Variants in KCNH5 observed in about 807,000 individuals in gnomAD.
KCNH5 encodes the protein potassium voltage-gated channel subfamily H member 5, also known as voltage-gated delayed rectifier potassium channel KCNH5.
Under a neutral mutation model 96.1 loss-of-function variants are expected in KCNH5, and 46 were observed. That is an observed-to-expected ratio of 0.48 (90% CI 0.38 to 0.61). The LOEUF (loss-of-function observed/expected upper bound fraction) is 0.61. Ranked by LOEUF, KCNH5 falls within the 20% of genes least tolerant of loss-of-function variation. The pLI, the probability that KCNH5 is intolerant of heterozygous loss-of-function variation, is 0.00. For missense variants in KCNH5, 907 were observed against 1,225.8 expected, an observed-to-expected ratio of 0.74 and a Z score of 3.88; for synonymous variants, 439 against 449.8, an observed-to-expected ratio of 0.98 and a Z score of 0.30.
chr14:62,910,963 C>T lies in KCNH5; in HGVS notation c.1369+39170G>A, dbSNP rs546946076. Among the ~76,000 whole-genome samples the T allele has an allele frequency of 6.7e-4, 99 of 148,424 alleles. 1 individual carries two copies. The highest frequency in any genetic ancestry group is 1.3e-3 in the Non-Finnish European group (87 of 67,150). On this transcript the variant is annotated intron_variant, in intron 7 of 10. Coordinates refer to ENST00000322893, the MANE Select transcript of KCNH5 (RefSeq NM_139318.5). ...CACACCCCTCTGTTGTTCTGTCATC[C>T]TATACCCTACTTTATTGTATCATAA...
Position 62,853,453 on chromosome 14 carries a change from AATCATATATATATATATATATATAT to A in KCNH5, c.1370-3626_1370-3602del, listed in dbSNP as rs1396487157. Among the ~76,000 whole-genome samples the A allele has an allele frequency of 6.6e-3, 201 of 30,382 alleles. 11 individuals carry two copies. Among genetic ancestry groups the A allele is most frequent in the Non-Finnish European group, 8.6e-3 (143 of 16,658 alleles). The allele number at this position is 30,382 out of a possible 152,430, so 19.9% of individuals were successfully genotyped here. A position where few individuals can be genotyped will look rare whatever the true frequency, so the allele number is the denominator to read the frequency against. On this transcript the variant is annotated intron_variant, in intron 7 of 10. Coordinates refer to ENST00000322893, the MANE Select transcript of KCNH5 (RefSeq NM_139318.5). ...AAATCATTTCCCAAACAAAAAGAAT[AATCATATATATATATATATATATAT>A]ATCATATATATATATAATCTTGGCC...
chr14:62,730,851 T>C (rs1303401187), intron 10 of KCNH5, among the ~76,000 whole-genome samples: 1 of 152,222 alleles, frequency 6.6e-6, no homozygotes, highest in African/African-American at 2.4e-5. Context: ...AACTGGGTTG[T>C]ATTTAACTAC....
intron 7 of KCNH5, among the ~76,000 whole-genome samples, chr14:62,927,017 G>A (rs537100059): frequency 1.3e-5 from 2 of 151,986 alleles, no homozygotes; most frequent in South Asian, 4.1e-4. Flanking sequence ...CCCAATAAAA[G>A]GCAAACATTT....
rs1346461621 is a variant in KCNH5, at chr14:62,706,729, T to C, written c.*779A>G. 1 of 152,202 alleles carries C rather than the reference T, an allele frequency of 6.6e-6. No homozygotes were observed. The highest frequency in any genetic ancestry group is 1.5e-5 in the Non-Finnish European group (1 of 68,014). The allele number at this position is 152,202 out of a possible 1,614,324, so 9.4% of individuals were successfully genotyped here. On this transcript the variant is annotated 3_prime_UTR_variant, in exon 11 of 11. Coordinates refer to ENST00000322893, the MANE Select transcript of KCNH5 (RefSeq NM_139318.5). The stretch of plus-strand genomic sequence containing the variant: ...ACCCTGTGGTGCAGTGTTTCTATAA[T>C]AACATACTCTATATTAATAGTTTAG...
intron 6 of KCNH5, among the ~76,000 whole-genome samples, chr14:62,974,491 G>A (rs1890466171): frequency 6.6e-6 from 1 of 152,092 alleles, no homozygotes; most frequent in African/African-American, 2.4e-5. Context: ...GAAAATTTAT[G>A]TTCCTTCTTT....
At chr14:62,933,919 T>A (rs537038087) in intron 7 of KCNH5, among the ~76,000 whole-genome samples, 25 of 152,246 alleles carry the variant, frequency 1.6e-4, no homozygotes, top group Non-Finnish European at 3.2e-4. Flanking sequence ...TCCTTCCGGT[T>A]TATCTCAGCT....
chr14:62,852,960 A>G (rs546070908), intron 7 of KCNH5, among the ~76,000 whole-genome samples: 1 of 152,280 alleles, frequency 6.6e-6, no homozygotes, highest in South Asian at 2.1e-4. Flanking sequence ...AGACATACCT[A>G]TCTTCTTGGA....
intron 7 of KCNH5, among the ~76,000 whole-genome samples, chr14:62,931,362 C>T (rs2140115989): frequency 6.6e-6 from 1 of 152,190 alleles, no homozygotes; most frequent in African/African-American, 2.4e-5. Flanking sequence ...CATGAACCAG[C>T]AGAACTAACA....
intron 7 of KCNH5, among the ~76,000 whole-genome samples, chr14:62,850,798 T>A (rs1286816389): frequency 1.3e-5 from 2 of 152,184 alleles, no homozygotes; most frequent in Admixed American, 1.3e-4. Context: ...TTAACTGGAA[T>A]CTTTTTTGAA....
intron 8 of KCNH5, among the ~76,000 whole-genome samples, chr14:62,845,414 G>A (rs1319779864): frequency 6.7e-6 from 1 of 149,972 alleles, no homozygotes; most frequent in Non-Finnish European, 1.5e-5. Flanking sequence ...CTATGGCATA[G>A]ATAGATAATT....
intron 8 of KCNH5, among the ~76,000 whole-genome samples, chr14:62,833,630 T>C (rs1887405755): frequency 6.6e-6 from 1 of 152,076 alleles, no homozygotes; most frequent in Admixed American, 6.6e-5. Context: ...TGGGGTTCCA[T>C]CGTTTTTTCT....
chr14:63,036,634 G>A (rs1299004413), intron 1 of KCNH5, among the ~76,000 whole-genome samples: 3 of 152,170 alleles, frequency 2.0e-5, no homozygotes, highest in Admixed American at 6.5e-5. Context: ...CTGGGGCACA[G>A]AGAAGATAAA....
intron 6 of KCNH5, among the ~76,000 whole-genome samples, chr14:62,958,533 A>G (rs560221899): frequency 6.6e-6 from 1 of 152,328 alleles, no homozygotes; most frequent in East Asian, 1.9e-4. Flanking sequence ...TTCTCTGTCA[A>G]GATCAATGGC....
intron 4 of KCNH5, among the ~76,000 whole-genome samples, chr14:62,997,682 G>T (rs1230236377): frequency 6.6e-6 from 1 of 151,750 alleles, no homozygotes; most frequent in Non-Finnish European, 1.5e-5. Context: ...CAGATCACGA[G>T]GTCAGGAGAT....
At chr14:63,018,366 C>A (rs9323430) in intron 1 of KCNH5, among the ~76,000 whole-genome samples, 42 of 151,412 alleles carry the variant, frequency 2.8e-4, no homozygotes, top group Non-Finnish European at 8.8e-5. Flanking sequence ...GATAAACTTC[C>A]GCATAATATA....
intron 7 of KCNH5, among the ~76,000 whole-genome samples, chr14:62,947,823 T>C (rs1296097335): frequency 6.6e-6 from 1 of 151,890 alleles, no homozygotes; most frequent in Non-Finnish European, 1.5e-5. Context: ...TTTATTTATT[T>C]ATTTATTTTT....
intron 9 of KCNH5, among the ~76,000 whole-genome samples, chr14:62,787,508 T>C (rs2139984474): frequency 6.6e-6 from 1 of 152,350 alleles, no homozygotes. Flanking sequence ...GAAGATCTGC[T>C]AAAATAACTG....
At chr14:62,812,140 TATA>T (rs1886885193) in intron 8 of KCNH5, among the ~76,000 whole-genome samples, 1 of 152,094 alleles carries the variant, frequency 6.6e-6, no homozygotes, top group Non-Finnish European at 1.5e-5. Flanking sequence ...AGGAAAAAAA[TATA>T]ATATCTGGTA....
intron 9 of KCNH5, among the ~76,000 whole-genome samples, chr14:62,796,249 T>C (rs142094393): frequency 0.034 from 5,240 of 152,238 alleles, 173 homozygotes; most frequent in East Asian, 0.087. Context: ...TGACCTCAAG[T>C]GATTTGCCCA....
Sources: allele counts gnomAD v4.1 joint callset (sites outside exome capture counted in the v4.1 genomes callset), GRCh38; gene constraint gnomAD v4.1.1; transcripts MANE v1.5; gene names NCBI Gene and HGNC (gene_info 2026-07-23, HGNC 2026-07-21).